The following SLC4A10 variants were observed in gnomAD, a reference collection of about 807,000 sequenced individuals.
SLC4A10 encodes the protein solute carrier family 4 member 10, also known as sodium-driven chloride bicarbonate exchanger.
A neutral mutation model predicts 137.7 loss-of-function variants in SLC4A10; 42 were observed. The observed-to-expected ratio is 0.30, with a 90% CI of 0.24 to 0.39. The LOEUF (loss-of-function observed/expected upper bound fraction) is 0.39. SLC4A10 is among the 10% of genes least tolerant of loss of function. SLC4A10 has a pLI of 1.00. For synonymous variants in SLC4A10, 474 were observed against 464.1 expected (o/e 1.02, Z -0.27); for missense variants, 925 against 1,355.0 (o/e 0.68, Z 4.98).
At chr2:161,649,193 C>G (rs2036468836) in intron 1 of SLC4A10, among the ~76,000 whole-genome samples, 1 of 152,108 alleles carries the variant, frequency 6.6e-6, no homozygotes, top group Admixed American at 6.5e-5. Context: ...AAAGTGACAC[C>G]ACCGTTTCTA....
chr2:161,718,780 G>C (rs1453978063), intron 1 of SLC4A10, among the ~76,000 whole-genome samples: 1 of 152,130 alleles, frequency 6.6e-6, no homozygotes, highest in African/African-American at 2.4e-5. Flanking sequence ...TGTTGTTTTT[G>C]GGTGGAAAGA....
chr2:161,849,474 G>T (rs2059699086), intron 4 of SLC4A10, among the ~76,000 whole-genome samples: 1 of 152,076 alleles, frequency 6.6e-6, no homozygotes, highest in Admixed American at 6.6e-5. Flanking sequence ...TCCTTGTCTT[G>T]TACCAGTTTT....
chr2:161,639,070 A>G (rs1287816293), intron 1 of SLC4A10, among the ~76,000 whole-genome samples: 1 of 152,096 alleles, frequency 6.6e-6, no homozygotes, highest in Admixed American at 6.5e-5. Flanking sequence ...ACCTGCCAAG[A>G]CTGAATCATG....
chr2:161,926,190 T>A (rs1689042066), intron 15 of SLC4A10, among the ~76,000 whole-genome samples: 1 of 151,340 alleles, frequency 6.6e-6, no homozygotes, highest in Non-Finnish European at 1.5e-5. Flanking sequence ...GGAGTCTAAG[T>A]CTCTTTGTAG....
At chr2:161,860,788 A>G (rs967962695) in intron 5 of SLC4A10, among the ~76,000 whole-genome samples, 5 of 152,138 alleles carry the variant, frequency 3.3e-5, no homozygotes, top group African/African-American at 1.2e-4. Flanking sequence ...TATTCTTTCT[A>G]CCTCTTTCCA....
intron 1 of SLC4A10, among the ~76,000 whole-genome samples, chr2:161,762,034 G>A (rs987831207): frequency 1.1e-4 from 17 of 151,966 alleles, no homozygotes; most frequent in South Asian, 4.1e-4. Context: ...ATTGCTTTGC[G>A]TAAATAAATG....
intron 7 of SLC4A10, 90 bp downstream of exon 7, chr2:161,872,474 C>T: frequency 2.1e-6 from 2 of 935,140 alleles, no homozygotes; most frequent in South Asian, 3.4e-5. Flanking sequence ...CAATATTTTG[C>T]ATGCGCTTTT....
intron 5 of SLC4A10, 100 bp downstream of exon 5, chr2:161,855,230 AT>A (rs2060035601): frequency 4.4e-6 from 5 of 1,145,342 alleles, no homozygotes; most frequent in Non-Finnish European, 4.8e-6. Flanking sequence ...TGGAAAACTA[AT>A]TCTCATAATC....
intron 3 of SLC4A10, among the ~76,000 whole-genome samples, chr2:161,808,059 G>T (rs2056174467): frequency 6.6e-6 from 1 of 151,656 alleles, no homozygotes; most frequent in Non-Finnish European, 1.5e-5. Context: ...CCTTTATTTT[G>T]GTATTTAGTT....
chr2:161,656,014 G>A (rs904712634), intron 1 of SLC4A10, among the ~76,000 whole-genome samples: 12 of 151,746 alleles, frequency 7.9e-5, no homozygotes, highest in African/African-American at 2.2e-4. Flanking sequence ...GGGTTTCACC[G>A]TGTTGGTCAG....
Position 161,685,234 on chromosome 2 carries a change from G to C in SLC4A10, c.48+60668G>C, listed in dbSNP as rs557654977. Among the ~76,000 whole-genome samples, 4 of 152,222 alleles carry C rather than the reference G, an allele frequency of 2.6e-5. No homozygotes were observed. In the East Asian group the frequency reaches 7.7e-4, roughly 29 times the overall value. On this transcript the variant is annotated intron_variant, in intron 1 of 26. Transcript: ENST00000446997. ...ACCATTTATTATTTAGTATGCTCTAGACCCTGGGCTAAGTGCATTACATAT... is the reference window on the plus strand; with the variant it reads ...ACCATTTATTATTTAGTATGCTCTACACCCTGGGCTAAGTGCATTACATAT...
intron 1 of SLC4A10, among the ~76,000 whole-genome samples, chr2:161,653,942 T>C (rs1461732910): frequency 6.6e-6 from 1 of 152,230 alleles, no homozygotes; most frequent in Non-Finnish European, 1.5e-5. Flanking sequence ...TTATATTCTA[T>C]TTTTAATTTT....
intron 10 of SLC4A10, 53 bp downstream of exon 10, chr2:161,882,497 C>A: frequency 1.8e-6 from 2 of 1,135,284 alleles, no homozygotes; most frequent in Non-Finnish European, 2.5e-6. Context: ...ATACCTAAAA[C>A]TTTTGGAGGT....
chr2:161,842,165 T>G (rs2059225284), intron 4 of SLC4A10, among the ~76,000 whole-genome samples: 1 of 152,180 alleles, frequency 6.6e-6, no homozygotes, highest in South Asian at 2.1e-4. Flanking sequence ...ATTTTGTCAT[T>G]ATTTTGTAGG....
Position 161,673,265 on chromosome 2 carries a change from TCA to T in SLC4A10, c.48+48704_48+48705del, listed in dbSNP as rs1452243981. Among the ~76,000 whole-genome samples the T allele has an allele frequency of 2.6e-5, 4 of 152,166 alleles. No individual in the cohort carries two copies. The East Asian group carries it at 7.7e-4, about 29-fold the overall frequency. On this transcript the variant is annotated intron_variant, in intron 1 of 26. Transcript: ENST00000446997. Reference sequence around the variant, plus strand: ...TTAGTTTCCCTGTCTCTAAAGTAAGTCACACAATGCATTCACTTGATTCCAGT... The same window carrying T: ...TTAGTTTCCCTGTCTCTAAAGTAAGTCACAATGCATTCACTTGATTCCAGT...
chr2:161,774,774 C>T (rs2052109180), intron 2 of SLC4A10, among the ~76,000 whole-genome samples: 1 of 151,866 alleles, frequency 6.6e-6, no homozygotes, highest in Non-Finnish European at 1.5e-5. Flanking sequence ...TTCAAGCTCT[C>T]CCTGTACCAA....
intron 1 of SLC4A10, among the ~76,000 whole-genome samples, chr2:161,668,699 G>A (rs2039364495): frequency 6.6e-6 from 1 of 151,760 alleles, no homozygotes; most frequent in African/African-American, 2.4e-5. Context: ...ATATATTTAA[G>A]TTATAATATA....
intron 6 of SLC4A10, among the ~76,000 whole-genome samples, chr2:161,871,241 A>G (rs1375454905): frequency 6.6e-6 from 1 of 151,898 alleles, no homozygotes; most frequent in African/African-American, 2.4e-5. Context: ...TGAATTTAGA[A>G]TAAAATTGGG....
intron 1 of SLC4A10, among the ~76,000 whole-genome samples, chr2:161,694,073 CTTT>C (rs1344940656): frequency 6.6e-6 from 1 of 151,986 alleles, no homozygotes; most frequent in Admixed American, 6.6e-5. Context: ...AGCCCCTTTT[CTTT>C]TATTACTCAC....
Sources: gnomAD v4.1 joint callset for allele counts (sites outside exome capture counted in the v4.1 genomes callset) on GRCh38, gnomAD v4.1.1 for gene constraint, MANE v1.5 for transcripts, NCBI Gene and HGNC (gene_info 2026-07-23, HGNC 2026-07-21) for gene names.